Variants in NDUFB7 observed in about 807,000 individuals in gnomAD.
NDUFB7 encodes the protein NADH dehydrogenase [ubiquinone] 1 beta subcomplex subunit 7.
In NDUFB7, 18 loss-of-function variants were observed where a neutral mutation model predicts 14.7. The observed-to-expected ratio is 1.22, with a 90% CI of 0.85 to 1.81. The LOEUF (loss-of-function observed/expected upper bound fraction) is 1.81, where lower values mean the gene tolerates loss of function less well. Among genes scored for constraint, NDUFB7 ranks in the 40% most tolerant of loss-of-function variants. The pLI is 0.00. For missense variants in NDUFB7, 219 were observed against 195.0 expected, an observed-to-expected ratio of 1.12 and a Z score of -0.73; for synonymous variants, 86 against 76.1, an observed-to-expected ratio of 1.13 and a Z score of -0.68.
rs375409166 is a variant in NDUFB7 at position 14,566,191 on chromosome 19, G to A, written c.356C>T (p.Ala119Val). Residue 119 changes from alanine to valine, a missense_variant, in exon 3 of 3, where the codon GCG becomes GTG. By Grantham distance (64) the Ala-to-Val change is moderately conservative (BLOSUM62 0). Coordinates refer to ENST00000215565, the MANE Select transcript of NDUFB7 (RefSeq NM_004146.6). ...LQRKKRREKK[A>V]AELAKGQGPG... Reference sequence around the variant, plus strand: ...TCCCTGGCCTTTGGCCAACTCTGCCGCCTTCTTCTCCCGCCGCTTCTTCCG... The same window carrying A: ...TCCCTGGCCTTTGGCCAACTCTGCCACCTTCTTCTCCCGCCGCTTCTTCCG... 18 of 1,613,716 alleles carry A rather than the reference G, an allele frequency of 1.1e-5. No individual in the cohort carries two copies. The highest frequency in any genetic ancestry group is 9.3e-5 in the African/African-American group (7 of 74,934).
At position 14,566,241 on chromosome 19, in the gene NDUFB7, A is replaced by G. The variant is rs1468842501; in HGVS notation, c.306T>C (p.Phe102=). 1 of 1,613,922 alleles carries G rather than the reference A, an allele frequency of 6.2e-7. No homozygotes were observed. The highest frequency in any genetic ancestry group is 1.3e-5 in the African/African-American group (1 of 74,938). ...HRDYVMRMKE[F]ERERRLLQRK... is the part of the protein sequence containing the mutation. The stretch of plus-strand genomic sequence containing the variant: ...GCTGGAGCAGCCTCCGCTCCCGCTC[A>G]AACTCCTTCATGCGCATCACATAGC... The change falls in exon 3 of 3, where the codon TTT becomes TTC. Residue 102 remains phenylalanine (F), a synonymous_variant. Coordinates refer to ENST00000215565, the MANE Select transcript of NDUFB7 (RefSeq NM_004146.6).
chr19:14,568,242 G>A (rs780959131), intron 1 of NDUFB7, among the ~76,000 whole-genome samples: 9 of 152,088 alleles, frequency 5.9e-5, no homozygotes, highest in Non-Finnish European at 8.8e-5. Flanking sequence ...ATGGGGTTTC[G>A]CCATGTTAGT....
intron 1 of NDUFB7, among the ~76,000 whole-genome samples, chr19:14,569,524 GA>G (rs1240370102): frequency 1.3e-5 from 2 of 152,160 alleles, no homozygotes; most frequent in Non-Finnish European, 2.9e-5. Flanking sequence ...CCAAGGAAGG[GA>G]AAGAGGTGAG....
intron 1 of NDUFB7, among the ~76,000 whole-genome samples, chr19:14,570,424 T>C (rs1324816168): frequency 6.6e-6 from 1 of 151,798 alleles, no homozygotes; most frequent in Non-Finnish European, 1.5e-5. Context: ...ATGGTCTCAA[T>C]CCCCTGACCT....
intron 2 of NDUFB7, 152 bp from the exon 3 acceptor site, chr19:14,566,417 C>A: frequency 1.5e-6 from 2 of 1,324,192 alleles, no homozygotes; most frequent in Non-Finnish European, 1.0e-6. Flanking sequence ...TGGGGTCTGC[C>A]CACGCAGGTG....
At chr19:14,571,639 C>A (rs1167069324) in intron 1 of NDUFB7, among the ~76,000 whole-genome samples, 1 of 152,042 alleles carries the variant, frequency 6.6e-6, no homozygotes, top group African/African-American at 2.4e-5. Flanking sequence ...CTGCGCGTCG[C>A]ATTCCTGCCC....
chr19:14,566,092 G>A lies in NDUFB7; in HGVS notation c.*41C>T. The A allele has an allele frequency of 6.3e-7, 1 of 1,584,956 alleles. No individual in the cohort carries two copies. The highest frequency in any genetic ancestry group is 1.3e-5 in the African/African-American group (1 of 74,408). ...GGGGACTCTGGTTGAGGGGCCTGAA[G>A]GCTTTTATTTGACTGGTCCATAGGG... On this transcript the variant is annotated 3_prime_UTR_variant, in exon 3 of 3. Coordinates refer to ENST00000215565, the MANE Select transcript of NDUFB7 (RefSeq NM_004146.6).
In NDUFB7 at chr19:14,566,145, C is replaced by T. The variant is rs141098822; in HGVS notation, c.402G>A (p.Lys134=). ...GGGGGTGCACCCCCTACAGGGCCACCTTGGGGTCCACTTCCCCGGGTCCCT... is the reference window on the plus strand; with the variant it reads ...GGGGGTGCACCCCCTACAGGGCCACTTTGGGGTCCACTTCCCCGGGTCCCT... ...KGQGPGEVDP[K]VAL The change falls in exon 3 of 3, where the codon AAG becomes AAA. Residue 134 remains lysine (K), a synonymous_variant. Transcript: ENST00000215565. The T allele has an allele frequency of 3.1e-4, 505 of 1,611,734 alleles. 1 individual carries two copies. The highest frequency in any genetic ancestry group is 1.2e-3 in the African/African-American group (88 of 75,030).
intron 1 of NDUFB7, among the ~76,000 whole-genome samples, chr19:14,568,541 G>A (rs1245961313): frequency 6.6e-6 from 1 of 151,996 alleles, no homozygotes; most frequent in East Asian, 2.0e-4. Context: ...TAGCAGCAAG[G>A]ACTTTAGACT....
rs1359966613 is a variant in NDUFB7 at position 14,566,192 on chromosome 19, C to T, written c.355G>A (p.Ala119Thr). ...CCCTGGCCTTTGGCCAACTCTGCCG[C>T]CTTCTTCTCCCGCCGCTTCTTCCGC... ...LQRKKRREKKAAELAKGQGPG... is the reference protein window; with the variant it reads ...LQRKKRREKKTAELAKGQGPG... The change falls in exon 3 of 3, where the codon GCG (alanine) becomes ACG (threonine). Residue 119 changes from alanine to threonine, a missense_variant. Coordinates refer to ENST00000215565, the MANE Select transcript of NDUFB7 (RefSeq NM_004146.6). The T allele has an allele frequency of 6.2e-7, 1 of 1,613,826 alleles. No homozygotes were observed. The highest frequency in any genetic ancestry group is 8.5e-7 in the Non-Finnish European group (1 of 1,179,966).
rs550682702 is a variant in NDUFB7, at chr19:14,570,273, C to T, written c.112+1616G>A. On this transcript the variant is annotated intron_variant, in intron 1 of 2. Transcript: ENST00000215565. ...GGAGTGCAGTGGTGTGATCTCGGCT[C>T]ACTATAACCTCTGCCTCCTGGGTTC... Among the ~76,000 whole-genome samples, 7 of 150,710 alleles carry T rather than the reference C, an allele frequency of 4.6e-5. No individual in the cohort carries two copies. The South Asian group carries it at 6.3e-4, about 14-fold the overall frequency.
Position 14,571,873 on chromosome 19 carries a change from G to A in NDUFB7, c.112+16C>T. ...CGCCCCACGCCCTCTGGCTGCGCCTGCGCACTGGGCCTCACCGCGCTCCTT... is the reference window on the plus strand; with the variant it reads ...CGCCCCACGCCCTCTGGCTGCGCCTACGCACTGGGCCTCACCGCGCTCCTT... On this transcript the variant is annotated intron_variant, in intron 1 of 2. Transcript: ENST00000215565. 1 of 1,599,010 alleles carries A rather than the reference G, an allele frequency of 6.3e-7. No individual in the cohort carries two copies. Among genetic ancestry groups the A allele is most frequent in the Non-Finnish European group, 8.5e-7 (1 of 1,174,004 alleles).
Position 14,571,984 on chromosome 19 carries a change from A to G in NDUFB7, c.17T>C (p.Val6Ala). The change falls in exon 1 of 3, where the codon GTC (valine) becomes GCC (alanine). Residue 6 changes from valine (V) to alanine (A), a missense_variant. Val to Ala is a moderately conservative substitution (Grantham distance 64). Coordinates refer to ENST00000215565, the MANE Select transcript of NDUFB7 (RefSeq NM_004146.6). ...CGAGGCATCGCCCAGGTAGCGCCGGACCAGGTGGGCCCCCATGGCTGCAGT... is the reference window on the plus strand; with the variant it reads ...CGAGGCATCGCCCAGGTAGCGCCGGGCCAGGTGGGCCCCCATGGCTGCAGT... MGAHL[V>A]RRYLGDASVE... is the part of the protein sequence containing the mutation. 1 of 1,604,502 alleles carries G rather than the reference A, an allele frequency of 6.2e-7. No homozygotes were observed. Among genetic ancestry groups the G allele is most frequent in the South Asian group, 1.1e-5 (1 of 89,544 alleles).
At position 14,566,320 on chromosome 19, in the gene NDUFB7, C is replaced by T. The variant is rs572101874; in HGVS notation, c.282-55G>A. ...GGGTCCCTGGCCAGGACACGCCCCC[C>T]AAGCCCTGGGAAGCGGAGGGGCCGT... is the stretch of plus-strand genomic sequence containing the variant. On this transcript the variant is annotated intron_variant, in intron 2 of 2. Coordinates refer to ENST00000215565, the MANE Select transcript of NDUFB7 (RefSeq NM_004146.6). 3.0e-5 allele frequency: 49 copies of T among 1,610,408 alleles called. No individual in the cohort carries two copies. The East Asian group carries it at 9.6e-4, about 32-fold the overall frequency.
intron 1 of NDUFB7, among the ~76,000 whole-genome samples, chr19:14,570,715 C>CT (rs760975942): frequency 7.2e-5 from 11 of 152,248 alleles, no homozygotes; most frequent in Non-Finnish European, 1.0e-4. Flanking sequence ...ATTCCACAAT[C>CT]TTTCCCACTG....
At position 14,566,236 on chromosome 19, in the gene NDUFB7, C is replaced by A. The variant is rs1190724762; in HGVS notation, c.311G>T (p.Arg104Leu). 1 of 1,614,112 alleles carries A rather than the reference C, an allele frequency of 6.2e-7. No individual in the cohort carries two copies. The highest frequency in any genetic ancestry group is 8.5e-7 in the Non-Finnish European group (1 of 1,180,018). Reference sequence around the variant, plus strand: ...CTTCCGCTGGAGCAGCCTCCGCTCCCGCTCAAACTCCTTCATGCGCATCAC... The same window carrying A: ...CTTCCGCTGGAGCAGCCTCCGCTCCAGCTCAAACTCCTTCATGCGCATCAC... ...DYVMRMKEFE[R>L]ERRLLQRKKR... The change falls in exon 3 of 3, where the codon CGG becomes CTG. Residue 104 changes from arginine (R) to leucine (L), a missense_variant. By Grantham distance (102) the Arg-to-Leu change is moderately radical (BLOSUM62 -2). Coordinates refer to ENST00000215565, the MANE Select transcript of NDUFB7 (RefSeq NM_004146.6).
intron 1 of NDUFB7, among the ~76,000 whole-genome samples, chr19:14,570,689 C>A (rs967727246): frequency 2.0e-5 from 3 of 152,188 alleles, no homozygotes; most frequent in African/African-American, 7.2e-5. Context: ...TGCTTTGACA[C>A]CCCCAGCTCT....
intron 1 of NDUFB7, among the ~76,000 whole-genome samples, chr19:14,571,244 C>T (rs1284516101): frequency 2.0e-5 from 3 of 152,190 alleles, no homozygotes; most frequent in Non-Finnish European, 4.4e-5. Flanking sequence ...GCAGTGACAT[C>T]AGGAAGGGGG....
intron 1 of NDUFB7, among the ~76,000 whole-genome samples, chr19:14,571,314 G>A (rs753595634): frequency 1.3e-5 from 2 of 152,076 alleles, no homozygotes; most frequent in African/African-American, 2.4e-5. Context: ...CTTGGCCCGA[G>A]GCCGGGCGTG....
Sources: allele counts gnomAD v4.1 joint callset (sites outside exome capture counted in the v4.1 genomes callset), GRCh38; gene constraint gnomAD v4.1.1; transcripts MANE v1.5; gene names NCBI Gene and HGNC (gene_info 2026-07-23, HGNC 2026-07-21).